Variants in C10orf71 observed in about 807,000 individuals in gnomAD.
C10orf71 encodes chromosome 10 open reading frame 71, also known as cardiac-enriched FHL2-interacting protein.
For synonymous variants in C10orf71, 758 were observed against 726.3 expected (o/e 1.04, Z -0.70); for missense variants, 1,869 against 1,804.5 (o/e 1.04, Z -0.65).
In C10orf71 at chr10:49,325,352, A is replaced by G; in HGVS notation, c.2807A>G (p.Glu936Gly). The G allele has an allele frequency of 2.6e-6, 4 of 1,551,718 alleles. No homozygotes were observed. The highest frequency in any genetic ancestry group is 3.5e-6 in the Non-Finnish European group (4 of 1,146,994). ...AAGTGCATGGCCAACGAGGTCATGG[A>G]GGACCCTGGGCAGGGGTCGAGCATG... is the stretch of plus-strand genomic sequence containing the variant. Reference protein sequence around the residue: ...RVKCMANEVMEDPGQGSSMAR... With the variant: ...RVKCMANEVMGDPGQGSSMAR... Residue 936 changes from glutamate to glycine, a missense_variant, in exon 3 of 3, where the codon GAG becomes GGG. Coordinates refer to ENST00000374144, the MANE Select transcript of C10orf71 (RefSeq NM_001135196.2).
chr10:49,300,379 C>G (rs575607257), intron 1 of C10orf71, among the ~76,000 whole-genome samples: 114 of 150,126 alleles, frequency 7.6e-4, no homozygotes, highest in African/African-American at 2.2e-3. Context: ...AAACTGAAAA[C>G]GCTTACAATG....
intron 2 of C10orf71, among the ~76,000 whole-genome samples, chr10:49,321,954 A>G (rs189026329): frequency 6.6e-6 from 1 of 152,290 alleles, no homozygotes; most frequent in Non-Finnish European, 1.5e-5. Context: ...GGAGTTTCTC[A>G]TGTATTTTGG....
At position 49,325,626 on chromosome 10, in the gene C10orf71, A is replaced by G. The variant is rs1319038969; in HGVS notation, c.3081A>G (p.Gln1027=). 8 of 1,552,002 alleles carry G rather than the reference A, an allele frequency of 5.2e-6. No homozygotes were observed. Among genetic ancestry groups the G allele is most frequent in the Non-Finnish European group, 7.0e-6 (8 of 1,147,098 alleles). The change falls in exon 3 of 3, where the codon CAA becomes CAG. Residue 1027 remains glutamine, a synonymous_variant. Transcript: ENST00000374144. ...AGCCCGAAAACTGTTGGGAAGAGCA[A>G]ACACCAGGTTTCAAGAGTCACTTTT... The part of the protein sequence containing the change: ...PWQPENCWEE[Q]TPGFKSHFLS...
At chr10:49,310,776 A>AGATGATGATGATGAT (rs10661682) in intron 1 of C10orf71, among the ~76,000 whole-genome samples, 1 of 148,906 alleles carries the variant, frequency 6.7e-6, no homozygotes, top group African/African-American at 2.5e-5. Flanking sequence ...TCAGGTAGCC[A>AGATGATGATGATGAT]GATGATGATG....
intron 2 of C10orf71, among the ~76,000 whole-genome samples, chr10:49,317,244 T>C (rs1849014076): frequency 6.6e-6 from 1 of 152,086 alleles, no homozygotes; most frequent in Admixed American, 6.6e-5. Context: ...CACACCAGCC[T>C]CAATAACATA....
At chr10:49,319,985 G>C (rs1849067728) in intron 2 of C10orf71, among the ~76,000 whole-genome samples, 2 of 151,952 alleles carry the variant, frequency 1.3e-5, no homozygotes, top group Middle Eastern at 3.2e-3. Flanking sequence ...CAGGGGGGAG[G>C]GGAAATGGTA....
rs1264017310 is a variant in C10orf71, at chr10:49,326,125, A to G, written c.3580A>G (p.Thr1194Ala). 64 of 1,551,700 alleles carry G rather than the reference A, an allele frequency of 4.1e-5. No homozygotes were observed. Among genetic ancestry groups the G allele is most frequent in the Non-Finnish European group, 5.0e-5 (57 of 1,146,988 alleles). Residue 1194 changes from threonine (T) to alanine (A), a missense_variant, in exon 3 of 3, where the codon ACG (threonine) becomes GCG (alanine). Thr to Ala is a moderately conservative substitution (Grantham distance 58). Coordinates refer to ENST00000374144, the MANE Select transcript of C10orf71 (RefSeq NM_001135196.2). ...GAAGCTGGCAAGTAAGAGGAGGAAG[A>G]CGGATCAGGCTCAGGAGAAGCATGG... ...AKKLASKRRK[T>A]DQAQEKHGES...
At position 49,322,614 on chromosome 10, in the gene C10orf71, T is replaced by C; in HGVS notation, c.69T>C (p.Asp23=). Residue 23 remains aspartate (D), a synonymous_variant, in exon 3 of 3, where the codon GAT becomes GAC. Coordinates refer to ENST00000374144, the MANE Select transcript of C10orf71 (RefSeq NM_001135196.2). ...CCTCCAGCATCGGCAGCGTGTTGGA[T>C]GATGCAGACAGGGAGGTGAGCAGCC... is the stretch of plus-strand genomic sequence containing the variant. The part of the protein sequence containing the change: ...SDSSSIGSVL[D]DADREVSSLT... The C allele has an allele frequency of 6.2e-7, 1 of 1,613,152 alleles. No individual in the cohort carries two copies. Among genetic ancestry groups the C allele is most frequent in the Non-Finnish European group, 8.5e-7 (1 of 1,179,480 alleles).
rs774488701 is a variant in C10orf71, at chr10:49,324,215, C to G, written c.1670C>G (p.Ser557Cys). ...GLEESPPNEL[S>C]KERPADDPTA... ...GAGGAAAGCCCTCCAAATGAGCTTT[C>G]TAAGGAGAGACCCGCTGATGACCCC... Residue 557 changes from serine to cysteine, a missense_variant, in exon 3 of 3, where the codon TCT becomes TGT. By Grantham distance (112) the Ser-to-Cys change is moderately radical. Transcript: ENST00000374144. The G allele has an allele frequency of 6.2e-7, 1 of 1,613,820 alleles. No individual in the cohort carries two copies. The highest frequency in any genetic ancestry group is 8.5e-7 in the Non-Finnish European group (1 of 1,179,886).
At chr10:49,317,843 AT>A (rs1012633382) in intron 2 of C10orf71, among the ~76,000 whole-genome samples, 10 of 151,906 alleles carry the variant, frequency 6.6e-5, no homozygotes, top group South Asian at 2.1e-4. Flanking sequence ...AGAATGAAAA[AT>A]TTTTTTTTAA....
chr10:49,311,068 G>A (rs772692389), intron 1 of C10orf71, among the ~76,000 whole-genome samples: 7 of 151,014 alleles, frequency 4.6e-5, no homozygotes, highest in Non-Finnish European at 8.9e-5. Flanking sequence ...ACCAAGACCC[G>A]GCCCCAAGCC....
chr10:49,323,682 C>A lies in C10orf71; in HGVS notation c.1137C>A (p.Pro379=), dbSNP rs748734187. 5.0e-6 allele frequency: 8 copies of A among 1,613,730 alleles called. No individual in the cohort carries two copies. Among genetic ancestry groups the A allele is most frequent in the East Asian group, 2.2e-5 (1 of 44,870 alleles). The part of the protein sequence containing the change: ...QPDSQEKPAQ[P]PWRKPKTGKK... The stretch of plus-strand genomic sequence containing the variant: ...ATTCTCAAGAGAAGCCAGCCCAGCC[C>A]CCATGGAGGAAGCCAAAGACTGGCA... The change falls in exon 3 of 3, where the codon CCC becomes CCA. Residue 379 remains proline (P), a synonymous_variant. Transcript: ENST00000374144.
chr10:49,317,690 A>C (rs1849022806), intron 2 of C10orf71, among the ~76,000 whole-genome samples: 1 of 152,182 alleles, frequency 6.6e-6, no homozygotes, highest in African/African-American at 2.4e-5. Context: ...ATTTATACAA[A>C]AAATAGAAAA....
intron 1 of C10orf71, among the ~76,000 whole-genome samples, chr10:49,307,166 G>T (rs559191408): frequency 6.6e-6 from 1 of 152,334 alleles, no homozygotes; most frequent in East Asian, 1.9e-4. Context: ...CAGCATGGCT[G>T]CTCCTATAAA....
chr10:49,313,661 G>A (rs1037549666), intron 1 of C10orf71, among the ~76,000 whole-genome samples: 8 of 152,180 alleles, frequency 5.3e-5, no homozygotes, highest in Admixed American at 1.3e-4. Context: ...AAACTCATGG[G>A]AACTAGGAAA....
In C10orf71 at chr10:49,325,330, T is replaced by C. The variant is rs1849205008; in HGVS notation, c.2785T>C (p.Cys929Arg). Residue 929 changes from cysteine (C) to arginine (R), a missense_variant, in exon 3 of 3, where the codon TGC (cysteine) becomes CGC (arginine). Transcript: ENST00000374144. Reference sequence around the variant, plus strand: ...TAACACACGGGGCACACGTGTGAAGTGCATGGCCAACGAGGTCATGGAGGA... The same window carrying C: ...TAACACACGGGGCACACGTGTGAAGCGCATGGCCAACGAGGTCATGGAGGA... ...PTNTRGTRVK[C>R]MANEVMEDPG... 3 of 1,551,564 alleles carry C rather than the reference T, an allele frequency of 1.9e-6. No homozygotes were observed. The highest frequency in any genetic ancestry group is 2.6e-6 in the Non-Finnish European group (3 of 1,146,998).
rs192826238 is a variant in C10orf71 at position 49,305,390 on chromosome 10, G to C, written c.-248+6157G>C. ...CACACCACCAGGTATTAAATTCTGC[G>C]CTACACACGTTTCTCCTCTGTAAAG... On this transcript the variant is annotated intron_variant, in intron 1 of 2. Transcript: ENST00000374144. 7.4e-4 allele frequency among the ~76,000 whole-genome samples: 113 copies of C among 152,176 alleles called. 1 individual carries two copies. Among genetic ancestry groups the C allele is most frequent in the Admixed American group, 6.5e-3 (99 of 15,276 alleles).
intron 1 of C10orf71, among the ~76,000 whole-genome samples, chr10:49,310,221 A>G (rs187495143): frequency 5.9e-5 from 9 of 152,366 alleles, no homozygotes; most frequent in African/African-American, 2.2e-4. Flanking sequence ...TACAGGCTGA[A>G]TCAAAAGTTT....
Position 49,325,749 on chromosome 10 carries a change from C to G in C10orf71, c.3204C>G (p.Cys1068Trp), listed in dbSNP as rs1209636779. ...NPGSPGESSA[C>W]SPAASNIWEE... ...GCTCCCCCGGGGAGAGCAGTGCCTG[C>G]TCCCCTGCTGCCAGCAACATTTGGG... The change falls in exon 3 of 3, where the codon TGC (cysteine) becomes TGG (tryptophan). Residue 1068 changes from cysteine (C) to tryptophan (W), a missense_variant. By Grantham distance (215) the Cys-to-Trp change is radical (BLOSUM62 -2). Coordinates refer to ENST00000374144, the MANE Select transcript of C10orf71 (RefSeq NM_001135196.2). The G allele has an allele frequency of 1.9e-6, 3 of 1,551,338 alleles. No individual in the cohort carries two copies. In the Admixed American group the frequency reaches 5.9e-5, roughly 30 times the overall value.
Sources: allele counts gnomAD v4.1 joint callset (sites outside exome capture counted in the v4.1 genomes callset), GRCh38; gene constraint gnomAD v4.1.1; transcripts MANE v1.5; gene names NCBI Gene and HGNC (gene_info 2026-07-23, HGNC 2026-07-21).